CFAP92: variants seen among roughly 807,000 people sequenced by gnomAD.
The protein encoded by CFAP92 is cilia and flagella associated protein 92 (putative), also known as uncharacterized protein CFAP92.
CFAP92 carries 86 observed loss-of-function variants against 106.3 expected under a neutral mutation model. That is an observed-to-expected ratio of 0.81 (90% CI 0.68 to 0.97). CFAP92 has a LOEUF of 0.97. Among genes scored for constraint, CFAP92 ranks in the 50% least tolerant of loss-of-function variants. The pLI is 0.00. For synonymous variants in CFAP92, 477 were observed against 506.4 expected, an observed-to-expected ratio of 0.94 and a Z score of 0.78; for missense variants, 1,204 against 1,283.8, an observed-to-expected ratio of 0.94 and a Z score of 0.95.
intron 9 of CFAP92, among the ~76,000 whole-genome samples, chr3:128,949,360 A>G (rs1940565153): frequency 6.6e-6 from 1 of 152,240 alleles, no homozygotes; most frequent in Admixed American, 6.5e-5. Context: ...CTTGTGATGG[A>G]ATACTGCTCA....
chr3:128,918,206 A>C (rs1189811951), intron 12 of CFAP92, among the ~76,000 whole-genome samples: 1 of 152,250 alleles, frequency 6.6e-6, no homozygotes, highest in Non-Finnish European at 1.5e-5. Flanking sequence ...GTGGTGGCTC[A>C]TGCCTGTAAT....
chr3:128,944,360 C>G (rs1939991748), intron 10 of CFAP92, among the ~76,000 whole-genome samples: 1 of 152,190 alleles, frequency 6.6e-6, no homozygotes, highest in Non-Finnish European at 1.5e-5. Context: ...CCCGGTGCCT[C>G]TGGGCCCATC....
chr3:128,921,103 C>T (rs1159484029), intron 12 of CFAP92, among the ~76,000 whole-genome samples: 1 of 152,182 alleles, frequency 6.6e-6, no homozygotes, highest in African/African-American at 2.4e-5. Context: ...TGTTGGCCCC[C>T]TGGTCCCACT....
the CFAP92 span, among the ~76,000 whole-genome samples, chr3:129,014,297 C>T: frequency 7.2e-5 from 11 of 152,294 alleles, no homozygotes; most frequent in East Asian, 3.9e-4. The surrounding 1 kb of genome is among the most constrained non-coding windows in gnomAD (Gnocchi z 4.3). Context: ...TGAGTCAGCT[C>T]GGGCTGCTGT....
At chr3:128,958,970 G>T (rs1195673127) in intron 9 of CFAP92, among the ~76,000 whole-genome samples, 1 of 152,296 alleles carries the variant, frequency 6.6e-6, no homozygotes, top group East Asian at 1.9e-4. Context: ...CAACACTTTG[G>T]GAGGCCAAGG....
At chr3:128,986,211 C>G (rs567104120) in intron 4 of CFAP92, among the ~76,000 whole-genome samples, 1 of 151,344 alleles carries the variant, frequency 6.6e-6, no homozygotes, top group African/African-American at 2.4e-5. Flanking sequence ...TACCATATAT[C>G]ATTGATTCTA....
chr3:129,002,156 G>GCGCCGTCCGCGCCGCCGC, intron 1 of CFAP92: 1 of 1,470,518 alleles, frequency 6.8e-7, no homozygotes, highest in Non-Finnish European at 8.9e-7. Context: ...AGATCCGCCT[G>GCGCCGTCCGCGCCGCCGC]CGCCGTCCGC....
At chr3:128,911,328 G>T (rs550198355) in intron 15 of CFAP92, among the ~76,000 whole-genome samples, 138 of 152,278 alleles carry the variant, frequency 9.1e-4, no homozygotes, top group Non-Finnish European at 1.3e-3. Flanking sequence ...AAAATGCTGG[G>T]ATTACAGGCA....
intron 9 of CFAP92, among the ~76,000 whole-genome samples, chr3:128,963,156 T>C (rs555551469): frequency 7.2e-4 from 110 of 151,956 alleles, no homozygotes; most frequent in African/African-American, 1.4e-3. Flanking sequence ...TAAAAACACA[T>C]GTGCTCTCCC....
intron 9 of CFAP92, among the ~76,000 whole-genome samples, chr3:128,947,149 C>A (rs1940293655): frequency 6.6e-6 from 1 of 151,918 alleles, no homozygotes; most frequent in African/African-American, 2.4e-5. Flanking sequence ...AGGTGTCCCC[C>A]CAGTGGCTCG....
intron 8 of CFAP92, 137 bp from the exon 9 acceptor site, chr3:128,965,832 AAAAG>A (rs751585394): frequency 1.7e-4 from 66 of 394,118 alleles, no homozygotes; most frequent in Non-Finnish European, 2.4e-4. Context: ...AAAAAAAAAG[AAAAG>A]AAAGAATTGG....
intron 10 of CFAP92, among the ~76,000 whole-genome samples, chr3:128,938,160 G>A (rs115385301): frequency 0.018 from 2,742 of 150,492 alleles, 85 homozygotes; most frequent in African/African-American, 0.063. Context: ...TGAGGTGGGG[G>A]GGTCAAGGCT....
the CFAP92 span, among the ~76,000 whole-genome samples, chr3:129,017,904 A>G: frequency 1.3e-5 from 2 of 152,158 alleles, no homozygotes; most frequent in African/African-American, 4.8e-5. Context: ...AAGAAAGTTA[A>G]CCTCAGAGAA....
the CFAP92 span, among the ~76,000 whole-genome samples, chr3:129,024,517 C>A: frequency 4.1e-5 from 6 of 146,848 alleles, no homozygotes; most frequent in South Asian, 2.2e-4. Context: ...GGTGACAGAG[C>A]AAGACTCCGT....
intron 9 of CFAP92, among the ~76,000 whole-genome samples, chr3:128,946,843 C>A (rs186544742): frequency 1.1e-4 from 17 of 152,068 alleles, no homozygotes; most frequent in Admixed American, 7.2e-4. Flanking sequence ...TGCACCAAGG[C>A]ATAAGATATT....
At chr3:129,013,706 C>G in the CFAP92 span, among the ~76,000 whole-genome samples, 1 of 152,360 alleles carries the variant, frequency 6.6e-6, no homozygotes, top group East Asian at 1.9e-4. Context: ...TGTGAGTACT[C>G]TGGACCAATC....
At chr3:128,993,015 G>A (rs1944313193) in intron 2 of CFAP92, 28 bp downstream of exon 2, 1 of 1,609,640 alleles carries the variant, frequency 6.2e-7, no homozygotes, top group East Asian at 2.2e-5. Context: ...TTTTTCAGAG[G>A]GTGTTAAACT....
chr3:128,989,026 T>C, intron 2 of CFAP92, 108 bp from the exon 3 acceptor site: 1 of 814,358 alleles, frequency 1.2e-6, no homozygotes, highest in Non-Finnish European at 1.9e-6. Context: ...GCACTCCACA[T>C]TGCCTGCCCG....
At chr3:129,023,392 G>A in the CFAP92 span, among the ~76,000 whole-genome samples, 7 of 151,258 alleles carry the variant, frequency 4.6e-5, no homozygotes, top group African/African-American at 7.3e-5. Context: ...GCAGTGGTGC[G>A]ATCTTGGCTC....
Sources: allele counts gnomAD v4.1 joint callset (sites outside exome capture counted in the v4.1 genomes callset), GRCh38; gene constraint gnomAD v4.1.1; non-coding constraint Gnocchi (gnomAD v3.1); transcripts MANE v1.5; gene names NCBI Gene and HGNC (gene_info 2026-07-23, HGNC 2026-07-21).